FGD4: variants seen among roughly 807,000 people sequenced by gnomAD.
FGD4 encodes the protein FYVE, RhoGEF and PH domain containing 4.
Under a neutral mutation model 102.0 loss-of-function variants are expected in FGD4, and 42 were observed. The ratio of observed to expected loss-of-function variants is 0.41; its 90% confidence interval spans 0.32 to 0.53. FGD4 has a LOEUF of 0.53. Among genes scored for constraint, FGD4 ranks in the 20% least tolerant of loss-of-function variants. The pLI is 0.21. For synonymous variants in FGD4, 380 were observed against 375.7 expected (o/e 1.01, Z -0.13); for missense variants, 902 against 1,078.2 (o/e 0.84, Z 2.29).
chr12:32,450,276 T>A (rs1319080403), intron 1 of FGD4, among the ~76,000 whole-genome samples: 1 of 152,176 alleles, frequency 6.6e-6, no homozygotes, highest in East Asian at 1.9e-4. Context: ...CTTGCCATGT[T>A]GCCCAGGCTG....
At chr12:32,623,708 T>C (rs918862593) in intron 11 of FGD4, among the ~76,000 whole-genome samples, 8 of 152,204 alleles carry the variant, frequency 5.3e-5, no homozygotes, top group Non-Finnish European at 8.8e-5. Flanking sequence ...AAATGTGGTA[T>C]GTGACAGAAG....
At chr12:32,476,267 C>A (rs547534897) in intron 1 of FGD4, among the ~76,000 whole-genome samples, 5 of 152,164 alleles carry the variant, frequency 3.3e-5, no homozygotes, top group Non-Finnish European at 7.4e-5. Flanking sequence ...TTTCTGATAC[C>A]AAATTTTGTT....
intron 1 of FGD4, among the ~76,000 whole-genome samples, chr12:32,561,081 T>G (rs922125092): frequency 1.2e-4 from 14 of 114,678 alleles, no homozygotes; most frequent in African/African-American, 4.4e-4. Context: ...TTTTGTTTTT[T>G]TTTTTTTTTT....
At chr12:32,435,808 A>G (rs1289513946) in intron 1 of FGD4, among the ~76,000 whole-genome samples, 1 of 152,156 alleles carries the variant, frequency 6.6e-6, no homozygotes, top group Non-Finnish European at 1.5e-5. Context: ...TTGTAATTCT[A>G]CTTACTGCTT....
At chr12:32,624,814 A>C in intron 12 of FGD4, 162 bp from the exon 13 acceptor site, 2 of 687,996 alleles carry the variant, frequency 2.9e-6, no homozygotes, top group Non-Finnish European at 5.2e-6. Flanking sequence ...CTGTGTATAC[A>C]AATGTGCATA....
intron 1 of FGD4, among the ~76,000 whole-genome samples, chr12:32,526,750 C>G (rs1461725181): frequency 6.6e-6 from 1 of 152,170 alleles, no homozygotes; most frequent in African/African-American, 2.4e-5. Context: ...CCGCGAAGAT[C>G]TGCAGCTTCA....
chr12:32,624,478 C>CTT (rs778590339), intron 12 of FGD4, 26 bp downstream of exon 12: 1 of 1,558,444 alleles, frequency 6.4e-7, no homozygotes. Flanking sequence ...GTTTCCTTTT[C>CTT]TTTCTTTTTT....
chr12:32,536,914 TTC>T (rs796371585), intron 1 of FGD4, among the ~76,000 whole-genome samples: 35 of 152,086 alleles, frequency 2.3e-4, no homozygotes, highest in Admixed American at 5.9e-4. Flanking sequence ...TTTCTTTTTT[TTC>T]TCTCTCTCTT....
intron 1 of FGD4, among the ~76,000 whole-genome samples, chr12:32,401,024 T>G (rs1940640456): frequency 6.6e-6 from 1 of 152,218 alleles, no homozygotes; most frequent in Non-Finnish European, 1.5e-5. Flanking sequence ...TGAATTACAG[T>G]GCCTTCGGTC....
intron 1 of FGD4, among the ~76,000 whole-genome samples, chr12:32,461,947 G>C (rs1251533453): frequency 2.0e-5 from 3 of 151,962 alleles, no homozygotes; most frequent in Non-Finnish European, 4.4e-5. Context: ...TGCTGGTCTT[G>C]AACTTCTGAC....
chr12:32,442,627 G>A lies in FGD4; in HGVS notation c.166+42668G>A, dbSNP rs1053551476. On this transcript the variant is annotated intron_variant, in intron 1 of 16. Transcript: ENST00000534526. ...CTCCAAGGCTGGGGCGCAGTGGTGC[G>A]ATCTCACTGCAACCTCTGCCTCCCG... Among the ~76,000 whole-genome samples the A allele has an allele frequency of 2.7e-5, 4 of 146,298 alleles. No homozygotes were observed. In the South Asian group the frequency reaches 6.6e-4, roughly 24 times the overall value.
chr12:32,566,995 G>A (rs141481652), intron 2 of FGD4, among the ~76,000 whole-genome samples: 3 of 152,196 alleles, frequency 2.0e-5, no homozygotes, highest in Non-Finnish European at 2.9e-5. Flanking sequence ...GGTCCAGGGC[G>A]TGTAGCCCTC....
intron 7 of FGD4, among the ~76,000 whole-genome samples, chr12:32,602,587 C>T (rs1370399908): frequency 6.6e-6 from 1 of 152,146 alleles, no homozygotes; most frequent in Non-Finnish European, 1.5e-5. Context: ...AGTTCCCATT[C>T]GGGTCTGTGT....
chr12:32,501,941 A>T (rs1938247552), intron 1 of FGD4: 3 of 704,332 alleles, frequency 4.3e-6, no homozygotes, highest in South Asian at 1.3e-4. Flanking sequence ...GAAAGCTTTT[A>T]GTTGGGCTGC....
At chr12:32,401,033 T>C (rs577033825) in intron 1 of FGD4, among the ~76,000 whole-genome samples, 13 of 152,340 alleles carry the variant, frequency 8.5e-5, no homozygotes, top group African/African-American at 3.1e-4. Flanking sequence ...GTGCCTTCGG[T>C]CTTCATTTCC....
intron 1 of FGD4, among the ~76,000 whole-genome samples, chr12:32,561,482 A>G (rs1418224377): frequency 6.6e-6 from 1 of 152,124 alleles, no homozygotes; most frequent in Non-Finnish European, 1.5e-5. Flanking sequence ...GGGTTTTTTA[A>G]AAATAGCTTG....
At chr12:32,429,923 C>T (rs759336174) in intron 1 of FGD4, among the ~76,000 whole-genome samples, 4 of 151,288 alleles carry the variant, frequency 2.6e-5, no homozygotes, top group East Asian at 1.9e-4. Context: ...CTTGTTGAAA[C>T]GAGTCCTGCC....
intron 1 of FGD4, among the ~76,000 whole-genome samples, chr12:32,403,700 G>C (rs1940791167): frequency 6.9e-6 from 1 of 144,164 alleles, no homozygotes; most frequent in African/African-American, 2.6e-5. Flanking sequence ...GGGCTGAAGT[G>C]ATTCTCCTGC....
At chr12:32,596,918 A>G (rs1389764905) in intron 4 of FGD4, among the ~76,000 whole-genome samples, 1 of 145,424 alleles carries the variant, frequency 6.9e-6, no homozygotes, top group Non-Finnish European at 1.6e-5. Context: ...CTGGGCAACA[A>G]GAGCAAAACT....
Sources: gnomAD v4.1 joint callset for allele counts (sites outside exome capture counted in the v4.1 genomes callset) on GRCh38, gnomAD v4.1.1 for gene constraint, MANE v1.5 for transcripts, NCBI Gene and HGNC (gene_info 2026-07-23, HGNC 2026-07-21) for gene names.